MRPL22: variants seen among roughly 807,000 people sequenced by gnomAD.
MRPL22 encodes the protein large ribosomal subunit protein uL22m.
MRPL22 carries 27 observed loss-of-function variants against 32.4 expected under a neutral mutation model. That is an observed-to-expected ratio of 0.83 (90% CI 0.61 to 1.15). MRPL22 has a LOEUF of 1.15. Among genes scored for constraint, MRPL22 ranks in the 50% most tolerant of loss-of-function variants. MRPL22 has a pLI of 0.00. For missense variants in MRPL22, 239 were observed against 260.2 expected (o/e 0.92, Z 0.56); for synonymous variants, 86 against 87.3 (o/e 0.99, Z 0.08).
intron 6 of MRPL22, among the ~76,000 whole-genome samples, chr5:154,964,159 G>A (rs1345475866): frequency 6.6e-6 from 1 of 152,130 alleles, no homozygotes; most frequent in Non-Finnish European, 1.5e-5. Context: ...AACAATAAGC[G>A]GTAGTTTTGA....
At chr5:154,941,351 CTG>C in intron 2 of MRPL22, 86 bp downstream of exon 2, 3 of 1,546,472 alleles carry the variant, frequency 1.9e-6, no homozygotes, top group African/African-American at 1.4e-5. Context: ...CCGTGCCTAA[CTG>C]TGTTTTAGGC....
chr5:154,961,404 C>T (rs1764699852), intron 6 of MRPL22, among the ~76,000 whole-genome samples: 1 of 152,210 alleles, frequency 6.6e-6, no homozygotes, highest in Non-Finnish European at 1.5e-5. Flanking sequence ...TCTTCCTGCT[C>T]TGTGACTCTG....
chr5:154,941,277 G>T lies in MRPL22; in HGVS notation c.77+12G>T. ...AAGCTGGCCTTGGGGTGAGTCTCTC[G>T]CTTCGGAGTTTCGGAAGGGCCCAAG... On this transcript the variant is annotated intron_variant, in intron 2 of 6. Transcript: ENST00000523037. 6.2e-7 allele frequency: 1 copy of T among 1,612,704 alleles called. No individual in the cohort carries two copies. The highest frequency in any genetic ancestry group is 2.2e-5 in the East Asian group (1 of 44,882).
rs201113350 is a variant in MRPL22, at chr5:154,958,538, CTTTTTTTTTTTTTTTT to C, written c.339+1335_339+1350del. ...GGTTTCTGTTATTTCTGACAATTGT[CTTTTTTTTTTTTTTTT>C]TTTTTTTTGAGATGGAGCCTCGCCC... is the stretch of plus-strand genomic sequence containing the variant. On this transcript the variant is annotated intron_variant, in intron 5 of 6. Coordinates refer to ENST00000523037, the MANE Select transcript of MRPL22 (RefSeq NM_014180.4). 1.8e-3 allele frequency among the ~76,000 whole-genome samples: 147 copies of C among 83,310 alleles called. 2 individuals carry two copies. In the East Asian group the frequency reaches 0.049, roughly 28 times the overall value. 54.7% of individuals were successfully genotyped at this position (83,310 alleles called of 152,430 possible). A position where few individuals can be genotyped will look rare whatever the true frequency, so the allele number is the denominator to read the frequency against.
chr5:154,955,381 A>G (rs1229518483), intron 3 of MRPL22: 1 of 152,246 alleles, frequency 6.6e-6, no homozygotes, highest in Non-Finnish European at 1.5e-5. Context: ...ATAGTTTTCC[A>G]TAACACATGT....
chr5:154,959,988 A>G lies in MRPL22; in HGVS notation c.348A>G (p.Leu116=). ...KGAKIIKEVL[L]EAQDMAVRDH... is the part of the protein sequence containing the mutation. Reference sequence around the variant, plus strand: ...TCTTTTTCTTATTTAAGGTTCTCTTAGAAGCACAAGATATGGCAGTGAGAG... The same window carrying G: ...TCTTTTTCTTATTTAAGGTTCTCTTGGAAGCACAAGATATGGCAGTGAGAG... Residue 116 remains leucine, a synonymous_variant, in exon 6 of 7, where the codon TTA becomes TTG. Coordinates refer to ENST00000523037, the MANE Select transcript of MRPL22 (RefSeq NM_014180.4). 6.2e-7 allele frequency: 1 copy of G among 1,611,282 alleles called. No individual in the cohort carries two copies. Among genetic ancestry groups the G allele is most frequent in the African/African-American group, 1.3e-5 (1 of 74,992 alleles).
Position 154,956,380 on chromosome 5 carries a change from C to G in MRPL22, c.205C>G (p.His69Asp). ...GEPRRPAEIYHCRRQIKYSKD... is the reference protein window; with the variant it reads ...GEPRRPAEIYDCRRQIKYSKD... The stretch of plus-strand genomic sequence containing the variant: ...TTTTCCAATTTGTAAGGAAATCTAC[C>G]ACTGTCGAAGACAAATAAAATATAG... Residue 69 changes from histidine (H) to aspartate (D), a missense_variant, in exon 4 of 7, where the codon CAC becomes GAC. His to Asp is a moderately conservative substitution (Grantham distance 81, BLOSUM62 -1). Transcript: ENST00000523037. 1.9e-6 allele frequency: 3 copies of G among 1,606,186 alleles called. No homozygotes were observed. The highest frequency in any genetic ancestry group is 2.2e-5 in the East Asian group (1 of 44,750).
chr5:154,965,869 G>A (rs1015445673), intron 6 of MRPL22, among the ~76,000 whole-genome samples: 1 of 152,122 alleles, frequency 6.6e-6, no homozygotes, highest in African/African-American at 2.4e-5. Flanking sequence ...GGGTACGGGT[G>A]TTTGCCCAGG....
intron 2 of MRPL22, among the ~76,000 whole-genome samples, chr5:154,944,721 A>G (rs1267850143): frequency 1.3e-5 from 2 of 152,206 alleles, no homozygotes; most frequent in East Asian, 3.9e-4. Flanking sequence ...GCAGAGATTG[A>G]GAATAAGAAG....
At chr5:154,960,340 G>A (rs1764685569) in intron 6 of MRPL22, among the ~76,000 whole-genome samples, 1 of 152,130 alleles carries the variant, frequency 6.6e-6, no homozygotes, top group Admixed American at 6.6e-5. Context: ...TACTTTAATT[G>A]TAATATTATA....
At chr5:154,962,481 C>T (rs1010899034) in intron 6 of MRPL22, among the ~76,000 whole-genome samples, 1 of 152,180 alleles carries the variant, frequency 6.6e-6, no homozygotes, top group African/African-American at 2.4e-5. Flanking sequence ...TTTTGAAAAA[C>T]TAGTTACTTA....
chr5:154,951,521 T>C (rs1331207517), intron 3 of MRPL22, among the ~76,000 whole-genome samples: 2 of 152,078 alleles, frequency 1.3e-5, no homozygotes, highest in Non-Finnish European at 2.9e-5. Context: ...TTGACTCCAT[T>C]TTGTTTATTT....
rs560204154 is a variant in MRPL22, at chr5:154,962,927, A to G, written c.409+2878A>G. 5.9e-5 allele frequency among the ~76,000 whole-genome samples: 9 copies of G among 152,228 alleles called. No homozygotes were observed. In the South Asian group the frequency reaches 8.3e-4, roughly 14 times the overall value. On this transcript the variant is annotated intron_variant, in intron 6 of 6. Coordinates refer to ENST00000523037, the MANE Select transcript of MRPL22 (RefSeq NM_014180.4). Reference sequence around the variant, plus strand: ...CTAATAGGAAATATTTGCTGTGTGTATATATATTTACTTACTTATTTATTT... The same window carrying G: ...CTAATAGGAAATATTTGCTGTGTGTGTATATATTTACTTACTTATTTATTT...
At chr5:154,963,439 GTTCT>G (rs1764729086) in intron 6 of MRPL22, among the ~76,000 whole-genome samples, 1 of 152,102 alleles carries the variant, frequency 6.6e-6, no homozygotes, top group Non-Finnish European at 1.5e-5. Context: ...AACACTTGTA[GTTCT>G]TTGACAGTAG....
Position 154,966,854 on chromosome 5 carries a change from A to G in MRPL22, c.578A>G (p.Tyr193Cys). Residue 193 changes from tyrosine to cysteine, a missense_variant, in exon 7 of 7, where the codon TAT becomes TGT. Coordinates refer to ENST00000523037, the MANE Select transcript of MRPL22 (RefSeq NM_014180.4). ...ACGGCAGTTGCCCATGCCAAAGAGT[A>G]TATTCAGCAGCTTCGCAGCCGGACC... ...PKTAVAHAKEYIQQLRSRTIV... is the reference protein window; with the variant it reads ...PKTAVAHAKECIQQLRSRTIV... 6.2e-7 allele frequency: 1 copy of G among 1,614,146 alleles called. No individual in the cohort carries two copies. Among genetic ancestry groups the G allele is most frequent in the South Asian group, 1.1e-5 (1 of 91,090 alleles).
At chr5:154,957,825 G>C (rs751210364) in intron 5 of MRPL22, among the ~76,000 whole-genome samples, 6 of 151,820 alleles carry the variant, frequency 4.0e-5, no homozygotes, top group Non-Finnish European at 7.4e-5. Flanking sequence ...TCTAAATGTA[G>C]CTAATTCACT....
At chr5:154,956,476 G>C in intron 4 of MRPL22, 40 bp downstream of exon 4, 1 of 1,427,166 alleles carries the variant, frequency 7.0e-7, no homozygotes, top group Non-Finnish European at 9.7e-7. Flanking sequence ...TAATAATTTA[G>C]GAAAGAAGCT....
chr5:154,956,881 T>C, intron 4 of MRPL22: 1 of 425,508 alleles, frequency 2.4e-6, no homozygotes, highest in South Asian at 3.7e-5. Context: ...TACCAACCTG[T>C]GGTCTCTCTG....
intron 3 of MRPL22, among the ~76,000 whole-genome samples, chr5:154,953,161 A>C (rs1315810716): frequency 2.0e-5 from 3 of 152,052 alleles, no homozygotes; most frequent in African/African-American, 7.2e-5. Flanking sequence ...GTTCAAGCCC[A>C]GCTGGCCAAT....
Sources: allele counts gnomAD v4.1 joint callset (sites outside exome capture counted in the v4.1 genomes callset), GRCh38; gene constraint gnomAD v4.1.1; transcripts MANE v1.5; gene names NCBI Gene and HGNC (gene_info 2026-07-23, HGNC 2026-07-21).